The following STPG2 variants were observed in gnomAD, a reference collection of about 807,000 sequenced individuals.
The protein encoded by STPG2 is sperm-tail PG-rich repeat-containing protein 2.
A neutral mutation model predicts 54.2 loss-of-function variants in STPG2; 56 were observed. That is an observed-to-expected ratio of 1.03 (90% CI 0.83 to 1.29). The LOEUF (loss-of-function observed/expected upper bound fraction) is 1.29. STPG2 is among the 50% of genes most tolerant of loss of function. The probability of loss-of-function intolerance (pLI) is 0.00; values close to 1 mark genes in which losing one functional copy is unlikely to be tolerated. For synonymous variants in STPG2, 200 were observed against 181.8 expected (o/e 1.10, Z -0.81); for missense variants, 596 against 544.9 (o/e 1.09, Z -0.93).
intron 7 of STPG2, among the ~76,000 whole-genome samples, chr4:97,968,621 G>C (rs184044756): frequency 3.9e-5 from 6 of 152,050 alleles, no homozygotes; most frequent in East Asian, 1.9e-4. Flanking sequence ...GAGATGCAAG[G>C]CTGGTTCAAC....
chr4:97,680,057 G>C (rs1722982881), intron 10 of STPG2, among the ~76,000 whole-genome samples: 2 of 152,228 alleles, frequency 1.3e-5, no homozygotes, highest in South Asian at 4.1e-4. Flanking sequence ...AAATCAGGTA[G>C]TGTGATGCCT....
chr4:97,783,851 C>T (rs1726732737), intron 9 of STPG2, among the ~76,000 whole-genome samples: 1 of 151,990 alleles, frequency 6.6e-6, no homozygotes, highest in South Asian at 2.1e-4. Flanking sequence ...CATGTTCTCA[C>T]TCATAGGTGG....
chr4:97,850,626 A>C (rs1405150256), intron 8 of STPG2, among the ~76,000 whole-genome samples: 1 of 151,936 alleles, frequency 6.6e-6, no homozygotes, highest in African/African-American at 2.4e-5. Flanking sequence ...TCTTGCAAAA[A>C]ATAAAATAAA....
chr4:97,471,149 C>T (rs900924316), intron 4 of STPG2, among the ~76,000 whole-genome samples: 3 of 152,080 alleles, frequency 2.0e-5, no homozygotes, highest in Non-Finnish European at 4.4e-5. Flanking sequence ...TTAAAACTTA[C>T]TAATTATTTA....
At chr4:97,588,943 T>G (rs1280776212) in intron 10 of STPG2, among the ~76,000 whole-genome samples, 1 of 152,124 alleles carries the variant, frequency 6.6e-6, no homozygotes, top group East Asian at 1.9e-4. Flanking sequence ...ATTTTGGAAT[T>G]ATACCTCTAC....
chr4:97,704,162 G>C (rs371051411), intron 10 of STPG2, among the ~76,000 whole-genome samples: 2 of 151,990 alleles, frequency 1.3e-5, no homozygotes, highest in Admixed American at 1.3e-4. Flanking sequence ...GACACACCCA[G>C]GATCAGTATT....
chr4:97,561,756 T>C (rs939313527), intron 10 of STPG2, among the ~76,000 whole-genome samples: 15 of 152,228 alleles, frequency 9.9e-5, no homozygotes, highest in Non-Finnish European at 1.9e-4. Flanking sequence ...GTTGTAGATA[T>C]GCAGCGTTAT....
At chr4:97,573,608 T>A (rs1007419129) in intron 10 of STPG2, among the ~76,000 whole-genome samples, 1 of 152,026 alleles carries the variant, frequency 6.6e-6, no homozygotes, top group Admixed American at 6.6e-5. Context: ...ATTGAAATTG[T>A]CTGCACTCTT....
intron 8 of STPG2, among the ~76,000 whole-genome samples, chr4:97,936,089 T>C (rs904379696): frequency 2.0e-5 from 3 of 152,232 alleles, no homozygotes; most frequent in Non-Finnish European, 2.9e-5. Context: ...ATATTTAGGA[T>C]AGTTAATTCT....
At chr4:97,829,115 CA>C (rs1728356999) in intron 9 of STPG2, among the ~76,000 whole-genome samples, 1 of 152,138 alleles carries the variant, frequency 6.6e-6, no homozygotes, top group South Asian at 2.1e-4. Context: ...ACACCTCATA[CA>C]GGAGAGCTGT....
intron 4 of STPG2, among the ~76,000 whole-genome samples, chr4:97,492,910 T>C (rs916420434): frequency 2.0e-5 from 3 of 149,670 alleles, no homozygotes; most frequent in Admixed American, 6.8e-5. Context: ...AATGTGACCT[T>C]AGCACTCTCC....
At chr4:97,509,913 T>A (rs1440125792) in intron 4 of STPG2, among the ~76,000 whole-genome samples, 2 of 152,012 alleles carry the variant, frequency 1.3e-5, no homozygotes, top group Non-Finnish European at 2.9e-5. Flanking sequence ...TACCATTAAG[T>A]GCCTAGTAAG....
At chr4:97,459,436 T>G (rs908541083) in intron 4 of STPG2, among the ~76,000 whole-genome samples, 5 of 148,034 alleles carry the variant, frequency 3.4e-5, no homozygotes, top group Non-Finnish European at 7.4e-5. Flanking sequence ...GCCTGTTTTT[T>G]TTTGTTTTTT....
At chr4:97,539,001 T>C (rs563849122) in intron 4 of STPG2, among the ~76,000 whole-genome samples, 1 of 152,310 alleles carries the variant, frequency 6.6e-6, no homozygotes, top group Admixed American at 6.5e-5. Context: ...CTGAGAGATT[T>C]TGTCACCACC....
At chr4:98,074,857 T>G (rs1012690160) in intron 5 of STPG2, among the ~76,000 whole-genome samples, 1 of 152,226 alleles carries the variant, frequency 6.6e-6, no homozygotes, top group Non-Finnish European at 1.5e-5. Context: ...ACAATTATCT[T>G]AAAGTTTGAG....
At chr4:97,868,021 A>G (rs191482344) in intron 8 of STPG2, among the ~76,000 whole-genome samples, 163 of 152,056 alleles carry the variant, frequency 1.1e-3, no homozygotes, top group South Asian at 3.1e-3. Context: ...TGTAAAAGCA[A>G]CTTGAAGTAT....
chr4:97,728,004 G>C (rs1463681487), intron 9 of STPG2, among the ~76,000 whole-genome samples: 1 of 151,868 alleles, frequency 6.6e-6, no homozygotes, highest in Non-Finnish European at 1.5e-5. Flanking sequence ...TTATGGAACT[G>C]TGCTCTCCTA....
intron 10 of STPG2, among the ~76,000 whole-genome samples, chr4:97,563,487 A>T (rs1044044467): frequency 3.3e-5 from 5 of 151,768 alleles, no homozygotes; most frequent in African/African-American, 1.2e-4. Context: ...CTAGCTTTTG[A>T]ATGTGTTTGC....
intron 4 of STPG2, among the ~76,000 whole-genome samples, chr4:97,452,831 G>T (rs1005823445): frequency 1.3e-5 from 2 of 152,150 alleles, no homozygotes; most frequent in African/African-American, 4.8e-5. Flanking sequence ...CTCTCTGCTA[G>T]GAGCTGAACA....
Sources: gnomAD v4.1 joint callset for allele counts (sites outside exome capture counted in the v4.1 genomes callset) on GRCh38, gnomAD v4.1.1 for gene constraint, MANE v1.5 for transcripts, NCBI Gene and HGNC (gene_info 2026-07-23, HGNC 2026-07-21) for gene names.